The following ERMP1 variants were observed in gnomAD, a reference collection of about 807,000 sequenced individuals.
The protein encoded by ERMP1 is Felix-ina.
In ERMP1, 86 loss-of-function variants were observed where a neutral mutation model predicts 92.0. The ratio of observed to expected loss-of-function variants is 0.93; its 90% confidence interval spans 0.79 to 1.12. The LOEUF (loss-of-function observed/expected upper bound fraction) is 1.12. ERMP1 is among the 50% of genes most tolerant of loss of function. The pLI is 0.00. For missense variants in ERMP1, 1,342 were observed against 1,116.3 expected, an observed-to-expected ratio of 1.20 and a Z score of -2.88; for synonymous variants, 530 against 412.8, an observed-to-expected ratio of 1.28 and a Z score of -3.44.
chr9:5,813,074 G>C (rs750451067), intron 4 of ERMP1, 39 bp from the exon 5 acceptor site: 1 of 1,586,792 alleles, frequency 6.3e-7, no homozygotes, highest in Admixed American at 1.8e-5. Context: ...AGGTATTCCG[G>C]CAATTTTTTT....
chr9:5,808,448 C>G (rs1216311296), intron 8 of ERMP1, among the ~76,000 whole-genome samples: 1 of 152,204 alleles, frequency 6.6e-6, no homozygotes, highest in Non-Finnish European at 1.5e-5. Flanking sequence ...CGGCTAACCT[C>G]AAAGAACCTT....
chr9:5,833,373 C>CAG (rs1830034309), upstream of ERMP1, among the ~76,000 whole-genome samples: 2 of 152,166 alleles, frequency 1.3e-5, no homozygotes, highest in South Asian at 4.1e-4. Context: ...AAGGCTCTTA[C>CAG]AGTGCATCAG....
intron 6 of ERMP1, among the ~76,000 whole-genome samples, chr9:5,847,622 G>A (rs1014200555): frequency 2.3e-4 from 35 of 151,922 alleles, no homozygotes; most frequent in Admixed American, 1.3e-3. Flanking sequence ...TCGGCCAGGC[G>A]CAGTGGCTCA....
chr9:5,830,525 A>G (rs1157231601), intron 2 of ERMP1, among the ~76,000 whole-genome samples: 2 of 152,224 alleles, frequency 1.3e-5, no homozygotes, highest in Non-Finnish European at 1.5e-5. Context: ...CCAAAAAATA[A>G]TATTAATAAA....
Position 5,786,577 on chromosome 9 carries a change from A to G in ERMP1, c.*567T>C, listed in dbSNP as rs1251894147. The G allele has an allele frequency of 6.5e-6, 1 of 154,840 alleles. No individual in the cohort carries two copies. Among genetic ancestry groups the G allele is most frequent in the Non-Finnish European group, 1.4e-5 (1 of 69,758 alleles). 9.6% of individuals were successfully genotyped at this position (154,840 alleles called of 1,614,324 possible). A position where few individuals can be genotyped will look rare whatever the true frequency, so the allele number is the denominator to read the frequency against. On this transcript the variant is annotated 3_prime_UTR_variant, in exon 15 of 15. Coordinates refer to ENST00000339450, the MANE Select transcript of ERMP1 (RefSeq NM_024896.3). ...AGGCCTCAGCACAGAGAGACAAAGC[A>G]CATTTGAGAGGCTGCCTGAAGAAAC... is the stretch of plus-strand genomic sequence containing the variant.
At chr9:5,832,570 G>T in intron 1 of ERMP1, 120 bp downstream of exon 1, 1 of 766,148 alleles carries the variant, frequency 1.3e-6, no homozygotes, top group Non-Finnish European at 1.9e-6. Flanking sequence ...TGCAGCCTGG[G>T]AGGGGTCAGC....
Position 5,787,116 on chromosome 9 carries a change from G to C in ERMP1, c.*28C>G. 1 of 1,597,308 alleles carries C rather than the reference G, an allele frequency of 6.3e-7. No homozygotes were observed. Among genetic ancestry groups the C allele is most frequent in the South Asian group, 1.1e-5 (1 of 88,422 alleles). The stretch of plus-strand genomic sequence containing the variant: ...ACCATGTCACATGGAGTATCCACTG[G>C]GCATGTACTTAGAGCTCATCCACAA... On this transcript the variant is annotated 3_prime_UTR_variant, in exon 15 of 15. Coordinates refer to ENST00000339450, the MANE Select transcript of ERMP1 (RefSeq NM_024896.3).
chr9:5,854,805 G>C (rs1830353393), intron 6 of ERMP1, among the ~76,000 whole-genome samples: 1 of 152,136 alleles, frequency 6.6e-6, no homozygotes. Context: ...GGGATTACAG[G>C]TGTGAGCCAC....
At chr9:5,818,384 A>G (rs13284609) in intron 4 of ERMP1, among the ~76,000 whole-genome samples, 2 of 152,228 alleles carry the variant, frequency 1.3e-5, no homozygotes, top group Admixed American at 6.5e-5. Flanking sequence ...CCAGTCTCCT[A>G]CTCATACACT....
At chr9:5,801,426 G>T (rs1828667672) in intron 10 of ERMP1, 98 bp from the exon 11 acceptor site, 3 of 1,177,708 alleles carry the variant, frequency 2.5e-6, no homozygotes, top group African/African-American at 3.1e-5. Context: ...TTACCTAACA[G>T]CCCCTGAAGA....
intron 10 of ERMP1, 74 bp from the exon 11 acceptor site, chr9:5,801,402 T>C: frequency 6.8e-7 from 1 of 1,466,596 alleles, no homozygotes. Context: ...TAACTAACTT[T>C]ATTTTTAACA....
chr9:5,848,425 T>C (rs1470109819), intron 6 of ERMP1, among the ~76,000 whole-genome samples: 1 of 152,128 alleles, frequency 6.6e-6, no homozygotes, highest in Non-Finnish European at 1.5e-5. Context: ...ATTTCAGACT[T>C]CCAAACTCCA....
At chr9:5,805,367 C>G in intron 9 of ERMP1, 150 bp from the exon 10 acceptor site, 1 of 685,878 alleles carries the variant, frequency 1.5e-6, no homozygotes, top group Non-Finnish European at 2.4e-6. Flanking sequence ...GGAGTAGGAT[C>G]TTTCACTCAG....
Position 5,813,049 on chromosome 9 carries a change from T to C in ERMP1, c.875-14A>G, listed in dbSNP as rs746930197. The stretch of plus-strand genomic sequence containing the variant: ...GATTTTCAGGACCTAAAATGAAAGA[T>C]GACAACACAATAGAAGGTATTCCGG... On this transcript the variant is annotated splice_polypyrimidine_tract_variant and intron_variant, in intron 4 of 14. Coordinates refer to ENST00000339450, the MANE Select transcript of ERMP1 (RefSeq NM_024896.3). 1 of 1,612,640 alleles carries C rather than the reference T, an allele frequency of 6.2e-7. No homozygotes were observed. Among genetic ancestry groups the C allele is most frequent in the Non-Finnish European group, 8.5e-7 (1 of 1,179,582 alleles).
chr9:5,805,196 G>C lies in ERMP1; in HGVS notation c.1745C>G (p.Ala582Gly), dbSNP rs1215567183. 2.5e-6 allele frequency: 4 copies of C among 1,605,364 alleles called. No individual in the cohort carries two copies. Among genetic ancestry groups the C allele is most frequent in the African/African-American group, 2.7e-5 (2 of 74,090 alleles). The part of the protein sequence containing the change: ...KQHGAQGKFI[A>G]FYLLGMFIPY... ...AATAAACATCCCCAAAAGGTAAAAA[G>C]CAATAAATTTTCCTTGGGCACCTAG... Residue 582 changes from alanine (A) to glycine (G), a missense_variant, in exon 10 of 15, where the codon GCT becomes GGT. By Grantham distance (60) the Ala-to-Gly change is moderately conservative. Transcript: ENST00000339450.
intron 14 of ERMP1, 34 bp from the exon 15 acceptor site, chr9:5,787,342 C>A: frequency 3.1e-6 from 5 of 1,605,472 alleles, no homozygotes; most frequent in Non-Finnish European, 4.3e-6. Context: ...CTCCAGTTCT[C>A]AGAAGCCAGA....
intron 4 of ERMP1, among the ~76,000 whole-genome samples, chr9:5,814,022 T>C (rs1441640860): frequency 6.6e-6 from 1 of 152,062 alleles, no homozygotes; most frequent in African/African-American, 2.4e-5. Flanking sequence ...TACTCTTCTG[T>C]ACCTATTAAC....
chr9:5,837,662 C>T (rs1324980549), upstream of ERMP1, among the ~76,000 whole-genome samples: 1 of 152,174 alleles, frequency 6.6e-6, no homozygotes, highest in African/African-American at 2.4e-5. Flanking sequence ...CTTTCTCACT[C>T]TTTCTGTTCG....
At chr9:5,799,065 C>G in intron 11 of ERMP1, 57 bp from the exon 12 acceptor site, 5 of 1,240,676 alleles carry the variant, frequency 4.0e-6, no homozygotes, top group Non-Finnish European at 5.9e-6. Flanking sequence ...ACATTCCCAC[C>G]CCAGATTACA....
Sources: gnomAD v4.1 joint callset for allele counts (sites outside exome capture counted in the v4.1 genomes callset) on GRCh38, gnomAD v4.1.1 for gene constraint, MANE v1.5 for transcripts, NCBI Gene and HGNC (gene_info 2026-07-23, HGNC 2026-07-21) for gene names.